The following RAB2A variants were observed in gnomAD, a reference collection of about 807,000 sequenced individuals.
RAB2A encodes the protein RAB2A, member RAS oncogene family, also known as ras-related protein Rab-2A.
A neutral mutation model predicts 32.5 loss-of-function variants in RAB2A; 7 were observed. The ratio of observed to expected loss-of-function variants is 0.22; its 90% CI spans 0.12 to 0.40. RAB2A has a LOEUF of 0.40. RAB2A is among the 10% of genes least tolerant of loss of function. The pLI is 1.00. For synonymous variants in RAB2A, 79 were observed against 85.2 expected (o/e 0.93, Z 0.40); for missense variants, 108 against 260.7 (o/e 0.41, Z 4.03).
intron 1 of RAB2A, chr8:60,552,280 T>C (rs11777706): frequency 0.47 from 71,086 of 151,630 alleles, 17,666 homozygotes; most frequent in African/African-American, 0.64. Context: ...GGATTACAGG[T>C]ATGAGCCACC....
At chr8:60,557,718 A>C (rs1211418092) in intron 1 of RAB2A, among the ~76,000 whole-genome samples, 6 of 147,782 alleles carry the variant, frequency 4.1e-5, no homozygotes, top group Non-Finnish European at 7.4e-5. Context: ...GATGCGCACC[A>C]CCACACCCAT....
At chr8:60,617,346 A>G (rs1330127052) in intron 6 of RAB2A, among the ~76,000 whole-genome samples, 1 of 152,040 alleles carries the variant, frequency 6.6e-6, no homozygotes, top group Non-Finnish European at 1.5e-5. Context: ...GCGTCCTTTG[A>G]TTTTGCTTTC....
chr8:60,530,235 GCCT>G, intron 1 of RAB2A, among the ~76,000 whole-genome samples: 1 of 148,834 alleles, frequency 6.7e-6, no homozygotes, highest in East Asian at 2.0e-4. Flanking sequence ...TGCAACCTCT[GCCT>G]CCTGGTTTCA....
At chr8:60,518,974 G>A (rs531510757) in intron 1 of RAB2A, among the ~76,000 whole-genome samples, 1 of 152,204 alleles carries the variant, frequency 6.6e-6, no homozygotes, top group East Asian at 1.9e-4. Context: ...GCTGTACTGT[G>A]GATAAATAAA....
intron 1 of RAB2A, among the ~76,000 whole-genome samples, chr8:60,538,417 A>G (rs867508054): frequency 2.6e-5 from 4 of 152,368 alleles, no homozygotes; most frequent in African/African-American, 4.8e-5. Context: ...AGTCTAATGT[A>G]AACAGTCCTT....
intron 1 of RAB2A, among the ~76,000 whole-genome samples, chr8:60,554,898 T>A (rs924642473): frequency 6.6e-6 from 1 of 151,848 alleles, no homozygotes; most frequent in African/African-American, 2.4e-5. Context: ...GCCACGGGAC[T>A]GGATTCGTCC....
At chr8:60,579,039 GT>G (rs1181715987) in intron 3 of RAB2A, among the ~76,000 whole-genome samples, 1 of 150,766 alleles carries the variant, frequency 6.6e-6, no homozygotes, top group Non-Finnish European at 1.5e-5. Context: ...TTGTTGTTTT[GT>G]TTTGTTTTTG....
At chr8:60,590,493 AC>A (rs1188688768) in intron 5 of RAB2A, among the ~76,000 whole-genome samples, 1 of 148,332 alleles carries the variant, frequency 6.7e-6, no homozygotes, top group African/African-American at 2.5e-5. Flanking sequence ...AAAAAAAAAA[AC>A]TGCCCTGGAA....
Position 60,519,373 on chromosome 8 carries a change from T to G in RAB2A, c.46+2120T>G, listed in dbSNP as rs534587831. ...TCTGCCATTGAGTCCCAGTGACTGA[T>G]TTTGGTGTTTTTTTCCTGGGCACTG... On this transcript the variant is annotated intron_variant, in intron 1 of 7. Transcript: ENST00000262646. Among the ~76,000 whole-genome samples, 13 of 152,288 alleles carry G rather than the reference T, an allele frequency of 8.5e-5. No homozygotes were observed. The South Asian group carries it at 1.5e-3, about 17-fold the overall frequency.
chr8:60,540,569 TCA>T (rs1380438349), intron 1 of RAB2A, among the ~76,000 whole-genome samples: 3 of 152,246 alleles, frequency 2.0e-5, no homozygotes, highest in Admixed American at 6.5e-5. Context: ...AACTTCTGCC[TCA>T]CAGGTTTAAG....
intron 6 of RAB2A, among the ~76,000 whole-genome samples, chr8:60,611,242 C>T (rs1345150596): frequency 6.6e-6 from 1 of 152,160 alleles, no homozygotes; most frequent in Non-Finnish European, 1.5e-5. Context: ...TTTGTCCCTC[C>T]CCTGCTTCCT....
intron 6 of RAB2A, among the ~76,000 whole-genome samples, chr8:60,603,466 T>G (rs946302537): frequency 2.6e-5 from 4 of 152,220 alleles, no homozygotes; most frequent in Admixed American, 2.6e-4. Context: ...GTCTATAGAT[T>G]TCCTATTAAT....
chr8:60,608,640 AT>A (rs148617759), intron 6 of RAB2A, among the ~76,000 whole-genome samples: 1 of 134,834 alleles, frequency 7.4e-6, no homozygotes, highest in Admixed American at 8.0e-5. Flanking sequence ...CCTTCCCCAG[AT>A]TTTTTTTACC....
At chr8:60,564,865 A>G (rs544164323) in intron 2 of RAB2A, among the ~76,000 whole-genome samples, 14 of 152,380 alleles carry the variant, frequency 9.2e-5, no homozygotes, top group Non-Finnish European at 1.3e-4. Context: ...GGGACTTTAA[A>G]AATATTTGCT....
At chr8:60,554,716 G>C (rs1422859360) in intron 1 of RAB2A, among the ~76,000 whole-genome samples, 1 of 152,196 alleles carries the variant, frequency 6.6e-6, no homozygotes, top group African/African-American at 2.4e-5. Flanking sequence ...AGCTGGGCTT[G>C]GTGGTATACG....
Position 60,620,778 on chromosome 8 carries a change from T to TA in RAB2A, c.*9_*10insA. ...GGGGCGGCTGCTGTTGAGTCTGTTT[T>TA]TACTGTCTAGCTGCCCAACGGGGCC... On this transcript the variant is annotated 3_prime_UTR_variant, in exon 8 of 8. Transcript: ENST00000262646. 1 of 1,611,530 alleles carries TA rather than the reference T, an allele frequency of 6.2e-7. No homozygotes were observed. The highest frequency in any genetic ancestry group is 8.5e-7 in the Non-Finnish European group (1 of 1,179,052).
rs1355187894 is a variant in RAB2A, at chr8:60,517,039, A to G, written c.-169A>G. ...TGTCTCCCTCGGCTCTGCGGGTGTCAGTTCGTCCGGCTTCCTCACAGCCCC... is the reference window on the plus strand; with the variant it reads ...TGTCTCCCTCGGCTCTGCGGGTGTCGGTTCGTCCGGCTTCCTCACAGCCCC... On this transcript the variant is annotated 5_prime_UTR_variant, in exon 1 of 8. Coordinates refer to ENST00000262646, the MANE Select transcript of RAB2A (RefSeq NM_002865.3). The G allele has an allele frequency of 3.6e-6, 2 of 558,640 alleles. No individual in the cohort carries two copies. Among genetic ancestry groups the G allele is most frequent in the Non-Finnish European group, 6.0e-6 (2 of 334,844 alleles). The allele number at this position is 558,640 out of a possible 1,614,324, so 34.6% of individuals were successfully genotyped here.
intron 6 of RAB2A, among the ~76,000 whole-genome samples, chr8:60,601,436 C>G (rs779905650): frequency 2.6e-5 from 4 of 152,104 alleles, no homozygotes; most frequent in Non-Finnish European, 4.4e-5. Context: ...CTCCCAGGTT[C>G]AGGCACTTCT....
chr8:60,531,758 A>G (rs1314334830), intron 1 of RAB2A, among the ~76,000 whole-genome samples: 1 of 151,384 alleles, frequency 6.6e-6, no homozygotes, highest in African/African-American at 2.4e-5. Context: ...ACTAGTCTTC[A>G]GGGAAGAGAA....
Sources: allele counts gnomAD v4.1 joint callset (sites outside exome capture counted in the v4.1 genomes callset), GRCh38; gene constraint gnomAD v4.1.1; transcripts MANE v1.5; gene names NCBI Gene and HGNC (gene_info 2026-07-23, HGNC 2026-07-21).